The following WNT2B variants were observed in gnomAD, a reference collection of about 807,000 sequenced individuals.
The protein encoded by WNT2B is protein Wnt-2b.
A neutral mutation model predicts 40.5 loss-of-function variants in WNT2B; 19 were observed. The observed-to-expected ratio is 0.47, with a 90% CI of 0.33 to 0.69. The LOEUF (loss-of-function observed/expected upper bound fraction) is 0.69, where lower values mean the gene tolerates loss of function less well. WNT2B is among the 30% of genes least tolerant of loss of function. The pLI, the probability that WNT2B is intolerant of heterozygous loss-of-function variation, is 0.02. For missense variants in WNT2B, 467 were observed against 556.4 expected (o/e 0.84, Z 1.62); for synonymous variants, 220 against 211.9 (o/e 1.04, Z -0.33).
At chr1:112,482,514 G>T (rs1213849008) in intron 1 of WNT2B, among the ~76,000 whole-genome samples, 2 of 151,828 alleles carry the variant, frequency 1.3e-5, no homozygotes, top group African/African-American at 2.4e-5. Context: ...TTATCTTTTT[G>T]TAAAGACAGG....
intron 1 of WNT2B, among the ~76,000 whole-genome samples, chr1:112,489,184 A>G (rs1357316049): frequency 6.6e-6 from 1 of 152,088 alleles, no homozygotes; most frequent in African/African-American, 2.4e-5. Flanking sequence ...ACAGTGCAAC[A>G]CTTTGAGGGA....
upstream of WNT2B, among the ~76,000 whole-genome samples, chr1:112,506,094 C>A (rs977218187): frequency 2.6e-5 from 4 of 152,204 alleles, no homozygotes; most frequent in African/African-American, 9.7e-5. Flanking sequence ...GCAGCCTTGA[C>A]TTCCTGGGCG....
intron 1 of WNT2B, among the ~76,000 whole-genome samples, chr1:112,484,290 T>TACATATATATATAC (rs1651342752): frequency 3.2e-5 from 4 of 126,050 alleles, no homozygotes; most frequent in Admixed American, 1.7e-4. Context: ...TATATATATA[T>TACATATATATATAC]ACACACACAT....
chr1:112,496,600 T>G (rs1279102214), intron 1 of WNT2B, among the ~76,000 whole-genome samples: 1 of 123,740 alleles, frequency 8.1e-6, no homozygotes, highest in Non-Finnish European at 1.9e-5. Context: ...TTCTTTTTCT[T>G]TTTTGTTTTT....
At chr1:112,484,892 T>C (rs550555036) in intron 1 of WNT2B, among the ~76,000 whole-genome samples, 95 of 152,338 alleles carry the variant, frequency 6.2e-4, no homozygotes, top group African/African-American at 2.0e-3. Flanking sequence ...AAGTCATTGC[T>C]AAGACAAATT....
chr1:112,466,957 G>A (rs2101044658), exon 1 of WNT2B: 2 of 152,704 alleles, frequency 1.3e-5, no homozygotes, highest in Middle Eastern at 6.8e-3. Context: ...CAGGCCTTTA[G>A]GGATTTTAGG....
In WNT2B at chr1:112,509,769, G is replaced by A. The variant is rs1385220866; in HGVS notation, c.182+325G>A. On this transcript the variant is annotated intron_variant, in intron 1 of 4. Transcript: ENST00000369684. This position sits in a 1 kb window ranked among gnomAD's most constrained non-coding sequence, Gnocchi z 4.2. ...ACCTTCCGAGTTTCCCTCAGGGTGA[G>A]TTCAAGGAACGAATAACCTTCCAGG... Among the ~76,000 whole-genome samples, 4 of 152,142 alleles carry A rather than the reference G, an allele frequency of 2.6e-5. No homozygotes were observed. Among genetic ancestry groups the A allele is most frequent in the Non-Finnish European group, 5.9e-5 (4 of 68,022 alleles).
At position 112,509,206 on chromosome 1, in the gene WNT2B, C is replaced by G; in HGVS notation, c.-57C>G. ...GAGGTAGGAGCAGCCTGAGTACCCC[C>G]AGAAGGTGCCCCGTCCACGCCCCTC... is the stretch of plus-strand genomic sequence containing the variant. On this transcript the variant is annotated 5_prime_UTR_variant, in exon 1 of 5. Transcript: ENST00000369684. The surrounding 1 kb of genome is among the most constrained non-coding windows in gnomAD (Gnocchi z 4.2). The G allele has an allele frequency of 6.9e-7, 1 of 1,448,152 alleles. No individual in the cohort carries two copies. The highest frequency in any genetic ancestry group is 9.0e-7 in the Non-Finnish European group (1 of 1,111,840). 89.7% of individuals were successfully genotyped at this position (1,448,152 alleles called of 1,614,324 possible).
chr1:112,480,365 C>A (rs1290792031), intron 1 of WNT2B, among the ~76,000 whole-genome samples: 110 of 91,592 alleles, frequency 1.2e-3, no homozygotes, highest in African/African-American at 2.4e-3. Flanking sequence ...GACTCCGTCT[C>A]AAAAAAAAAA....
upstream of WNT2B, among the ~76,000 whole-genome samples, chr1:112,507,463 G>C (rs1035267080): frequency 1.3e-5 from 2 of 152,232 alleles, no homozygotes; most frequent in Admixed American, 1.3e-4. Context: ...TTGGGGACAG[G>C]AGGGAAGTGC....
upstream of WNT2B, among the ~76,000 whole-genome samples, chr1:112,504,356 C>T (rs1235377459): frequency 6.6e-6 from 1 of 152,134 alleles, no homozygotes; most frequent in African/African-American, 2.4e-5. Flanking sequence ...GCAGTTTGTG[C>T]CCCTGTTTAG....
Position 112,509,325 on chromosome 1 carries a change from G to A in WNT2B, c.63G>A (p.Pro21=), listed in dbSNP as rs1371206705. The A allele has an allele frequency of 1.9e-6, 3 of 1,582,826 alleles. No individual in the cohort carries two copies. Among genetic ancestry groups the A allele is most frequent in the South Asian group, 1.1e-5 (1 of 88,894 alleles). ...TCCCGCTTCGGCGCGCCAGCGCCCC[G>A]GTCCCTGTGCCGTCGCCCGCGGCCC... is the stretch of plus-strand genomic sequence containing the variant. The part of the protein sequence containing the change: ...AQLPLRRASA[P]VPVPSPAAPD... The change falls in exon 1 of 5, where the codon CCG becomes CCA. Residue 21 remains proline, a synonymous_variant. Transcript: ENST00000369684. This position sits in a 1 kb window ranked among gnomAD's most constrained non-coding sequence, Gnocchi z 4.2.
upstream of WNT2B, among the ~76,000 whole-genome samples, chr1:112,506,385 G>A (rs1280105176): frequency 6.6e-6 from 1 of 152,222 alleles, no homozygotes; most frequent in Non-Finnish European, 1.5e-5. Context: ...GGCCAAAGAA[G>A]GGGCCTCAGA....
chr1:112,498,022 A>G (rs1394154529), intron 1 of WNT2B, among the ~76,000 whole-genome samples: 1 of 151,854 alleles, frequency 6.6e-6, no homozygotes, highest in Non-Finnish European at 1.5e-5. Context: ...GTCGTCATCT[A>G]GATTTTAAGC....
chr1:112,512,255 A>G (rs1055224742), intron 1 of WNT2B, among the ~76,000 whole-genome samples: 5 of 152,228 alleles, frequency 3.3e-5, no homozygotes, highest in Admixed American at 6.5e-5. Context: ...TTATTCAACA[A>G]ATAGTGATTG....
At chr1:112,479,913 G>T (rs1027843104) in intron 1 of WNT2B, among the ~76,000 whole-genome samples, 1 of 151,642 alleles carries the variant, frequency 6.6e-6, no homozygotes, top group Non-Finnish European at 1.5e-5. Flanking sequence ...GGGGTTTCAC[G>T]GTGTTAGCCA....
chr1:112,491,604 G>A (rs1651607536), intron 1 of WNT2B, among the ~76,000 whole-genome samples: 1 of 151,686 alleles, frequency 6.6e-6, no homozygotes, highest in South Asian at 2.1e-4. Flanking sequence ...TTGGAGGGAG[G>A]GCCAGGTGCG....
chr1:112,482,957 A>G (rs141734260), intron 1 of WNT2B, among the ~76,000 whole-genome samples: 64 of 152,310 alleles, frequency 4.2e-4, no homozygotes, highest in African/African-American at 1.4e-3. Context: ...TTCACATGGG[A>G]TGACAAAAGA....
At chr1:112,498,607 GGACATGGACAT>G (rs1651853079) in intron 1 of WNT2B, among the ~76,000 whole-genome samples, 1 of 151,824 alleles carries the variant, frequency 6.6e-6, no homozygotes, top group Admixed American at 6.6e-5. Context: ...CTAAATTCTA[GGACATGGACAT>G]AACACGGTCA....
Sources: gnomAD v4.1 joint callset for allele counts (sites outside exome capture counted in the v4.1 genomes callset) on GRCh38, gnomAD v4.1.1 for gene constraint, Gnocchi (gnomAD v3.1) non-coding constraint, MANE v1.5 for transcripts, NCBI Gene and HGNC (gene_info 2026-07-23, HGNC 2026-07-21) for gene names.